XRCC5: variants seen among roughly 807,000 people sequenced by gnomAD.
XRCC5 encodes the protein DNA repair protein Ku80.
A neutral mutation model predicts 95.7 loss-of-function variants in XRCC5; 12 were observed. The observed-to-expected ratio is 0.13, with a 90% CI of 0.08 to 0.20. The LOEUF (loss-of-function observed/expected upper bound fraction) is 0.20, where lower values mean the gene tolerates loss of function less well. Among genes scored for constraint, XRCC5 ranks in the 10% least tolerant of loss-of-function variants. XRCC5 has a pLI of 1.00. For missense variants in XRCC5, 595 were observed against 873.9 expected (o/e 0.68, Z 4.02); for synonymous variants, 281 against 290.3 (o/e 0.97, Z 0.33).
chr2:216,156,279 AG>A, intron 14 of XRCC5: 1 of 545,084 alleles, frequency 1.8e-6, no homozygotes, highest in Admixed American at 2.2e-5. Context: ...AGCATGACCA[AG>A]CAAAGCAGGT....
chr2:216,122,406 A>T (rs769706994), intron 6 of XRCC5, among the ~76,000 whole-genome samples, 153 bp downstream of exon 6: 5 of 152,130 alleles, frequency 3.3e-5, no homozygotes, highest in Non-Finnish European at 7.4e-5. Context: ...TAGTACACCC[A>T]CCCTTAATCA....
At chr2:216,192,994 C>G (rs904112294) in intron 18 of XRCC5, among the ~76,000 whole-genome samples, 3 of 152,158 alleles carry the variant, frequency 2.0e-5, no homozygotes, top group Admixed American at 6.5e-5. Flanking sequence ...GCAGCATGAC[C>G]TATTTCATGG....
intron 16 of XRCC5, among the ~76,000 whole-genome samples, chr2:216,177,527 A>G (rs2106037912): frequency 6.6e-6 from 1 of 152,324 alleles, no homozygotes; most frequent in East Asian, 1.9e-4. Context: ...GCTTCGAGGG[A>G]AAAATCATAT....
At chr2:216,183,499 A>G (rs1050979670) in intron 16 of XRCC5, among the ~76,000 whole-genome samples, 2 of 152,170 alleles carry the variant, frequency 1.3e-5, no homozygotes, top group African/African-American at 4.8e-5. Flanking sequence ...TTTTTTAGTT[A>G]TTGGTAAGAA....
chr2:216,131,128 A>G (rs1343846150), intron 9 of XRCC5, 141 bp downstream of exon 9: 2 of 1,416,362 alleles, frequency 1.4e-6, no homozygotes, highest in Non-Finnish European at 1.8e-6. Context: ...TAATGTTGCC[A>G]TGGTATGTAT....
At position 216,204,368 on chromosome 2, in the gene XRCC5, T is replaced by A; in HGVS notation, c.2156T>A (p.Phe719Tyr). 1 of 1,613,978 alleles carries A rather than the reference T, an allele frequency of 6.2e-7. No homozygotes were observed. Among genetic ancestry groups the A allele is most frequent in the South Asian group, 1.1e-5 (1 of 91,082 alleles). ...DKPSGDTAAV[F>Y]EEGGDVDDLL... The stretch of plus-strand genomic sequence containing the variant: ...CCAAGTGGAGACACAGCAGCTGTAT[T>A]TGAAGAAGGTGGTGATGTGGACGAT... The change falls in exon 20 of 21, where the codon TTT becomes TAT. Residue 719 changes from phenylalanine to tyrosine, a missense_variant. By Grantham distance (22) the Phe-to-Tyr change is conservative. Coordinates refer to ENST00000392132, the MANE Select transcript of XRCC5 (RefSeq NM_021141.4).
At chr2:216,144,052 G>A (rs924654109) in intron 13 of XRCC5, among the ~76,000 whole-genome samples, 1 of 152,118 alleles carries the variant, frequency 6.6e-6, no homozygotes, top group Non-Finnish European at 1.5e-5. Flanking sequence ...AGAAGAATGA[G>A]AAAAGTAGAG....
intron 17 of XRCC5, among the ~76,000 whole-genome samples, chr2:216,191,096 A>G (rs1255031389): frequency 6.6e-6 from 1 of 152,244 alleles, no homozygotes; most frequent in Non-Finnish European, 1.5e-5. Flanking sequence ...TCAGAAGTAG[A>G]TAACCTGAAT....
chr2:216,155,781 T>G (rs1211130726), intron 14 of XRCC5, among the ~76,000 whole-genome samples: 1 of 152,106 alleles, frequency 6.6e-6, no homozygotes. Flanking sequence ...TTAATAAAAA[T>G]ATATACACAT....
At chr2:216,159,754 G>T (rs1401240685) in intron 14 of XRCC5, among the ~76,000 whole-genome samples, 2 of 152,142 alleles carry the variant, frequency 1.3e-5, no homozygotes, top group Non-Finnish European at 2.9e-5. Flanking sequence ...TCCATTATCT[G>T]TGCTTGCAGT....
chr2:216,159,871 G>A (rs763115805), intron 14 of XRCC5, among the ~76,000 whole-genome samples, 197 bp from the exon 15 acceptor site: 18 of 152,220 alleles, frequency 1.2e-4, no homozygotes, highest in Non-Finnish European at 2.4e-4. Flanking sequence ...GAGCCCGGTG[G>A]CTAGGAAAGG....
chr2:216,109,410 C>T lies in XRCC5; in HGVS notation c.-27C>T, dbSNP rs911873159. The T allele has an allele frequency of 6.2e-7, 1 of 1,613,742 alleles. No individual in the cohort carries two copies. The highest frequency in any genetic ancestry group is 8.5e-7 in the Non-Finnish European group (1 of 1,179,812). ...ACGGCAGGTTCCCGCCCGGAAGAAG[C>T]GACCAAAGCGCCTGAGGACCGGCAA... On this transcript the variant is annotated 5_prime_UTR_variant, in exon 1 of 21. Transcript: ENST00000392132.
intron 14 of XRCC5, among the ~76,000 whole-genome samples, chr2:216,149,784 C>T (rs901268231): frequency 4.6e-5 from 7 of 152,142 alleles, no homozygotes; most frequent in Non-Finnish European, 8.8e-5. Flanking sequence ...TATGATCACA[C>T]CTTTGGCTCT....
chr2:216,179,846 A>C (rs1689349389), intron 16 of XRCC5, among the ~76,000 whole-genome samples: 1 of 152,220 alleles, frequency 6.6e-6, no homozygotes, highest in African/African-American at 2.4e-5. Context: ...TTTATATTTC[A>C]TACCATGTTG....
rs570857002 is a variant in XRCC5 at position 216,181,195 on chromosome 2, G to A, written c.1835-9030G>A. Among the ~76,000 whole-genome samples, 371 of 152,144 alleles carry A rather than the reference G, an allele frequency of 2.4e-3. 2 individuals carry two copies. The highest frequency in any genetic ancestry group is 0.014 in the South Asian group (65 of 4,810). ...AATCATCTTCTAATTTACTTCTCAG[G>A]TCTGTCTTTTCCTTTCCATCTTATC... is the stretch of plus-strand genomic sequence containing the variant. On this transcript the variant is annotated intron_variant, in intron 16 of 20. Transcript: ENST00000392132.
intron 16 of XRCC5, among the ~76,000 whole-genome samples, chr2:216,171,985 C>A (rs1689173697): frequency 6.6e-6 from 1 of 152,212 alleles, no homozygotes; most frequent in African/African-American, 2.4e-5. Context: ...ATTTCTCTCA[C>A]ACCCAAAAAT....
rs761811665 is a variant in XRCC5, at chr2:216,148,164, G to A, written c.1558G>A (p.Ala520Thr). The part of the protein sequence containing the change: ...QHIWNMLNPP[A>T]EVTTKSQIPL... ...TATTTGGAATATGCTGAATCCTCCCGCTGAGGTGACAACAAAAAGTCAGAT... is the reference window on the plus strand; with the variant it reads ...TATTTGGAATATGCTGAATCCTCCCACTGAGGTGACAACAAAAAGTCAGAT... Residue 520 changes from alanine to threonine, a missense_variant, in exon 14 of 21, where the codon GCT becomes ACT. By Grantham distance (58) the Ala-to-Thr change is moderately conservative. Coordinates refer to ENST00000392132, the MANE Select transcript of XRCC5 (RefSeq NM_021141.4). 23 of 1,613,900 alleles carry A rather than the reference G, an allele frequency of 1.4e-5. No individual in the cohort carries two copies. The highest frequency in any genetic ancestry group is 1.6e-4 in the Middle Eastern group (1 of 6,082).
chr2:216,161,326 G>A (rs1471313303), intron 15 of XRCC5, among the ~76,000 whole-genome samples: 1 of 152,128 alleles, frequency 6.6e-6, no homozygotes, highest in Non-Finnish European at 1.5e-5. Context: ...GGCCCTGTGA[G>A]GGTTGGGGCC....
intron 8 of XRCC5, among the ~76,000 whole-genome samples, chr2:216,128,165 A>C (rs568249323): frequency 6.6e-6 from 1 of 152,278 alleles, no homozygotes; most frequent in South Asian, 2.1e-4. Context: ...CCTATGTTAT[A>C]CCCATTTGGA....
Sources: gnomAD v4.1 joint callset for allele counts (sites outside exome capture counted in the v4.1 genomes callset) on GRCh38, gnomAD v4.1.1 for gene constraint, MANE v1.5 for transcripts, NCBI Gene and HGNC (gene_info 2026-07-23, HGNC 2026-07-21) for gene names.